Variants in PWWP2A observed in about 807,000 individuals in gnomAD.
PWWP2A encodes PWWP domain-containing protein 2A.
Under a neutral mutation model 48.5 loss-of-function variants are expected in PWWP2A, and 18 were observed. That is an observed-to-expected ratio of 0.37 (90% CI 0.26 to 0.55). The LOEUF (loss-of-function observed/expected upper bound fraction) is 0.55. Among genes scored for constraint, PWWP2A ranks in the 20% least tolerant of loss-of-function variants. The pLI, the probability that PWWP2A is intolerant of heterozygous loss-of-function variation, is 0.81. For synonymous variants in PWWP2A, 396 were observed against 387.7 expected (o/e 1.02, Z -0.25); for missense variants, 867 against 976.4 (o/e 0.89, Z 1.49).
At chr5:160,096,441 A>G (rs1389195645) in intron 1 of PWWP2A, among the ~76,000 whole-genome samples, 1 of 152,232 alleles carries the variant, frequency 6.6e-6, no homozygotes, top group Non-Finnish European at 1.5e-5. Context: ...TCAAAAGATG[A>G]CAGGACAAAA....
rs1298728875 is a variant in PWWP2A, at chr5:160,092,534, G to A, written c.2116C>T (p.Leu706Phe). 1.3e-6 allele frequency: 2 copies of A among 1,551,668 alleles called. No homozygotes were observed. The highest frequency in any genetic ancestry group is 1.7e-6 in the Non-Finnish European group (2 of 1,146,986). The change falls in exon 2 of 2, where the codon CTT becomes TTT. Residue 706 changes from leucine to phenylalanine, a missense_variant. Around this residue, in one of 4 missense-constraint regions of PWWP2A, gnomAD observed 97 missense variants for 151.7 expected, o/e 0.64. Coordinates refer to ENST00000307063, the MANE Select transcript of PWWP2A (RefSeq NM_001130864.2). The stretch of plus-strand genomic sequence containing the variant: ...TCTAAAAAGGGGGAGAGTTGTGAAA[G>A]AGCAAGGAAAGATGTTGTTGGAGAC... ...FGSPTTSFLA[L>F]SQLSPFLENF...
At chr5:160,074,744 C>G (rs1753826584), downstream of PWWP2A, among the ~76,000 whole-genome samples, 1 of 150,270 alleles carries the variant, frequency 6.7e-6, no homozygotes, top group African/African-American at 2.5e-5. Context: ...AAGACTCCGT[C>G]TCAAAAAAAC....
chr5:160,091,968 A>T lies in PWWP2A; in HGVS notation c.*414T>A. On this transcript the variant is annotated 3_prime_UTR_variant, in exon 2 of 2. Transcript: ENST00000307063. The stretch of plus-strand genomic sequence containing the variant: ...GTGACAGGCTGTATTTCATATATAT[A>T]TATGTGTATATATACATATATATGT... The T allele has an allele frequency of 4.6e-6, 4 of 871,282 alleles. No individual in the cohort carries two copies. The highest frequency in any genetic ancestry group is 5.5e-6 in the Non-Finnish European group (4 of 729,274). 54.0% of individuals were successfully genotyped at this position (871,282 alleles called of 1,614,324 possible). A position where few individuals can be genotyped will look rare whatever the true frequency, so the allele number is the denominator to read the frequency against.
intron 1 of PWWP2A, among the ~76,000 whole-genome samples, chr5:160,112,427 G>A (rs1757688740): frequency 6.6e-6 from 1 of 151,906 alleles, no homozygotes; most frequent in South Asian, 2.1e-4. Flanking sequence ...TTGACATGTT[G>A]GCCAGGATGG....
chr5:160,055,609 C>T, the PWWP2A span, among the ~76,000 whole-genome samples: 1 of 152,238 alleles, frequency 6.6e-6, no homozygotes, highest in African/African-American at 2.4e-5. Context: ...CCTACTGAAT[C>T]AGAGATTTAA....
At chr5:160,089,483 A>G, downstream of PWWP2A, 6 of 1,210,310 alleles carry the variant, frequency 5.0e-6, no homozygotes, top group South Asian at 6.9e-5. Flanking sequence ...AACTTCTAGG[A>G]ATATGGGAAT....
chr5:160,107,773 T>C (rs991702512), intron 1 of PWWP2A, among the ~76,000 whole-genome samples: 1 of 151,754 alleles, frequency 6.6e-6, no homozygotes, highest in Non-Finnish European at 1.5e-5. Flanking sequence ...AATCCCAGCA[T>C]TTTGGGAGGC....
chr5:160,098,955 CA>C (rs1755969645), intron 1 of PWWP2A, among the ~76,000 whole-genome samples: 2 of 152,038 alleles, frequency 1.3e-5, no homozygotes, highest in Admixed American at 6.6e-5. Context: ...AAAAGAAAAA[CA>C]AAACAAAACA....
intron 2 of PWWP2A, among the ~76,000 whole-genome samples, chr5:160,069,286 T>TA (rs920792257): frequency 5.0e-4 from 70 of 141,072 alleles, no homozygotes; most frequent in Non-Finnish European, 6.4e-4. Context: ...CCAACCTATC[T>TA]AAAAAAAAAA....
chr5:160,111,360 G>T (rs1172155571), intron 1 of PWWP2A, among the ~76,000 whole-genome samples: 4 of 152,090 alleles, frequency 2.6e-5, no homozygotes, highest in African/African-American at 9.7e-5. Flanking sequence ...TAGTGACAGG[G>T]TTTCATCATA....
chr5:160,074,120 A>C (rs1213008271), downstream of PWWP2A, among the ~76,000 whole-genome samples: 1 of 151,862 alleles, frequency 6.6e-6, no homozygotes, highest in Non-Finnish European at 1.5e-5. Context: ...CAGCATGCTA[A>C]TCACTAGAGA....
At chr5:160,090,334 T>C, downstream of PWWP2A, 1 of 984,656 alleles carries the variant, frequency 1.0e-6, no homozygotes, top group South Asian at 4.7e-5. Flanking sequence ...TTACATATTT[T>C]GATGACTTTT....
At position 160,066,296 on chromosome 5, in the gene PWWP2A, A is replaced by ATTTTTTTTTTTTTT. The variant is rs59262456; in HGVS notation, c.*236+238_*236+251dup. On this transcript the variant is annotated intron_variant and NMD_transcript_variant, in intron 4 of 5. Coordinates refer to the PWWP2A transcript ENST00000524050. The stretch of plus-strand genomic sequence containing the variant: ...AGCATTATGCTAGAAAGTGGTTCTC[A>ATTTTTTTTTTTTTT]TTTTTTTTTTTTTTTTTTTGAGGGG... Among the ~76,000 whole-genome samples, 855 of 94,606 alleles carry ATTTTTTTTTTTTTT rather than the reference A, an allele frequency of 9.0e-3. 74 individuals are homozygous for ATTTTTTTTTTTTTT. The highest frequency in any genetic ancestry group is 0.013 in the Non-Finnish European group (626 of 49,714). 62.1% of individuals were successfully genotyped at this position (94,606 alleles called of 152,430 possible). A position where few individuals can be genotyped will look rare whatever the true frequency, so the allele number is the denominator to read the frequency against.
At chr5:160,105,964 T>C (rs1756854134) in intron 1 of PWWP2A, among the ~76,000 whole-genome samples, 1 of 152,062 alleles carries the variant, frequency 6.6e-6, no homozygotes, top group Non-Finnish European at 1.5e-5. Context: ...TCCAAGCCAA[T>C]CAAGGCAAAA....
chr5:160,080,508 G>A, intron 3 of PWWP2A: 1 of 739,022 alleles, frequency 1.4e-6, no homozygotes, highest in Non-Finnish European at 1.9e-6. Flanking sequence ...CCTACACGAG[G>A]CACACCCGGC....
chr5:160,066,295 C>CTTTTTTTTTTTTT lies in PWWP2A; in HGVS notation c.*236+252_*236+253insAAAAAAAAAAAAA, dbSNP rs748083955. On this transcript the variant is annotated intron_variant and NMD_transcript_variant, in intron 4 of 5. Coordinates refer to the PWWP2A transcript ENST00000524050. ...CAGCATTATGCTAGAAAGTGGTTCT[C>CTTTTTTTTTTTTT]ATTTTTTTTTTTTTTTTTTTGAGGG... Among the ~76,000 whole-genome samples the CTTTTTTTTTTTTT allele has an allele frequency of 2.6e-3, 153 of 57,952 alleles. 5 individuals carry two copies. The highest frequency in any genetic ancestry group is 7.9e-3 in the African/African-American group (142 of 17,874). The allele number at this position is 57,952 out of a possible 152,430, so 38.0% of individuals were successfully genotyped here.
chr5:160,109,825 AT>A (rs1226144734), intron 1 of PWWP2A, among the ~76,000 whole-genome samples: 135 of 99,616 alleles, frequency 1.4e-3, no homozygotes, highest in African/African-American at 4.5e-3. Context: ...ATATAATAAT[AT>A]ATATATATAT....
At chr5:160,089,973 A>G, downstream of PWWP2A, 1 of 984,664 alleles carries the variant, frequency 1.0e-6, no homozygotes, top group Non-Finnish European at 1.2e-6. Context: ...ATATTCAGCT[A>G]TTAGAGTTTA....
At chr5:160,106,474 G>A (rs1756904785) in intron 1 of PWWP2A, among the ~76,000 whole-genome samples, 2 of 151,778 alleles carry the variant, frequency 1.3e-5, no homozygotes, top group Admixed American at 1.3e-4. Context: ...AGTAAAACTT[G>A]GCAACCTTCT....
Sources: allele counts gnomAD v4.1 joint callset (sites outside exome capture counted in the v4.1 genomes callset), GRCh38; gene constraint gnomAD v4.1.1; regional missense constraint gnomAD v4.1.1; transcripts MANE v1.5; gene names NCBI Gene and HGNC (gene_info 2026-07-23, HGNC 2026-07-21).